The following IKZF2 variants were observed in gnomAD, a reference collection of about 807,000 sequenced individuals.
IKZF2 encodes the protein IKAROS family zinc finger 2.
IKZF2 carries 15 observed loss-of-function variants against 49.2 expected under a neutral mutation model. That is an observed-to-expected ratio of 0.30 (90% CI 0.20 to 0.47). The LOEUF is 0.47. Among genes scored for constraint, IKZF2 ranks in the 20% least tolerant of loss-of-function variants. The pLI is 1.00. For synonymous variants in IKZF2, 227 were observed against 221.4 expected (o/e 1.03, Z -0.23); for missense variants, 567 against 664.6 (o/e 0.85, Z 1.61).
At chr2:213,147,682 A>C (rs762010853) in intron 4 of IKZF2, 26 bp downstream of exon 4, 8 of 1,575,668 alleles carry the variant, frequency 5.1e-6, no homozygotes, top group South Asian at 3.3e-5. Context: ...ACACACACAA[A>C]AAAAAATCAT....
In IKZF2 at chr2:213,004,521, C is replaced by T. The variant is rs1452004137; in HGVS notation, c.*2839G>A. On this transcript the variant is annotated 3_prime_UTR_variant, in exon 9 of 9. Transcript: ENST00000434687. Reference sequence around the variant, plus strand: ...GAAGATAACCCATTTTCATGCTCCTCAAATACTTTCTGTAATGTGAAATCT... The same window carrying T: ...GAAGATAACCCATTTTCATGCTCCTTAAATACTTTCTGTAATGTGAAATCT... 6.8e-6 allele frequency: 1 copy of T among 148,138 alleles called. No individual in the cohort carries two copies. Among genetic ancestry groups the T allele is most frequent in the East Asian group, 2.1e-4 (1 of 4,656 alleles). The allele number at this position is 148,138 out of a possible 1,614,324, so 9.2% of individuals were successfully genotyped here.
At chr2:213,043,654 C>T (rs1247088615) in intron 6 of IKZF2, among the ~76,000 whole-genome samples, 1 of 152,192 alleles carries the variant, frequency 6.6e-6, no homozygotes, top group Admixed American at 6.5e-5. Context: ...AACTATTCCA[C>T]CTCAGATCAT....
chr2:213,150,454 C>CT (rs2061242787), intron 1 of IKZF2: 3 of 199,560 alleles, frequency 1.5e-5, no homozygotes, highest in Non-Finnish European at 3.2e-5. Context: ...GAAGAACACC[C>CT]CCCTCCTCCT....
At chr2:213,141,647 C>T (rs1161872022) in intron 4 of IKZF2, among the ~76,000 whole-genome samples, 1 of 151,828 alleles carries the variant, frequency 6.6e-6, no homozygotes, top group African/African-American at 2.4e-5. Context: ...GCAGTCTCCC[C>T]CTCTAAAAAA....
At chr2:213,094,922 G>A (rs1705797337) in intron 4 of IKZF2, among the ~76,000 whole-genome samples, 1 of 152,084 alleles carries the variant, frequency 6.6e-6, no homozygotes, top group Admixed American at 6.6e-5. Context: ...AACCATATAG[G>A]GGAGAGTGTT....
chr2:213,046,090 ATAAC>A (rs1202219242), intron 6 of IKZF2, among the ~76,000 whole-genome samples: 1 of 152,106 alleles, frequency 6.6e-6, no homozygotes, highest in Non-Finnish European at 1.5e-5. Flanking sequence ...TTTTCTAACA[ATAAC>A]TAATCTCCAT....
At chr2:213,080,530 G>GA (rs939465967) in intron 4 of IKZF2, among the ~76,000 whole-genome samples, 28 of 151,982 alleles carry the variant, frequency 1.8e-4, no homozygotes, top group Non-Finnish European at 7.4e-5. Flanking sequence ...GAAAATAAGT[G>GA]AAAAAACCCT....
chr2:213,099,326 T>G (rs1706377501), intron 4 of IKZF2, among the ~76,000 whole-genome samples: 2 of 152,186 alleles, frequency 1.3e-5, no homozygotes, highest in South Asian at 4.1e-4. Context: ...TCTATGTACA[T>G]ATGAAGAGTA....
chr2:213,053,458 A>G (rs903170826), intron 5 of IKZF2, among the ~76,000 whole-genome samples: 6 of 152,184 alleles, frequency 3.9e-5, no homozygotes, highest in Non-Finnish European at 1.5e-5. Flanking sequence ...AAATGCAAAT[A>G]TATATGCATC....
At chr2:213,125,313 A>G (rs2060221156) in intron 4 of IKZF2, among the ~76,000 whole-genome samples, 1 of 152,174 alleles carries the variant, frequency 6.6e-6, no homozygotes, top group Non-Finnish European at 1.5e-5. Flanking sequence ...TTCCTAATAG[A>G]GTTTTTAATT....
chr2:213,070,545 A>G (rs1400933685), intron 4 of IKZF2, among the ~76,000 whole-genome samples: 1 of 152,106 alleles, frequency 6.6e-6, no homozygotes, highest in Admixed American at 6.6e-5. Context: ...TAACAGAAAA[A>G]CAAATAAGCA....
At chr2:213,028,022 A>G (rs1698002299) in intron 6 of IKZF2, among the ~76,000 whole-genome samples, 1 of 152,158 alleles carries the variant, frequency 6.6e-6, no homozygotes, top group South Asian at 2.1e-4. Context: ...ATCGATTCAC[A>G]TAATTACTAT....
At chr2:213,065,353 G>A (rs1442753747) in intron 4 of IKZF2, among the ~76,000 whole-genome samples, 1 of 151,976 alleles carries the variant, frequency 6.6e-6, no homozygotes, top group Non-Finnish European at 1.5e-5. Flanking sequence ...GTCCTTGAGA[G>A]GAAATACTGC....
chr2:213,067,501 T>C (rs1702271077), intron 4 of IKZF2, among the ~76,000 whole-genome samples: 1 of 152,048 alleles, frequency 6.6e-6, no homozygotes, highest in Non-Finnish European at 1.5e-5. Context: ...ATGGATAATA[T>C]ACAATAGAAC....
intron 7 of IKZF2, chr2:213,015,233 T>G (rs1375580172): frequency 6.6e-6 from 1 of 152,048 alleles, no homozygotes. Flanking sequence ...CCATCCAAGT[T>G]TTGATTAACC....
intron 5 of IKZF2, 72 bp downstream of exon 5, chr2:213,056,761 G>C: frequency 6.4e-7 from 1 of 1,569,888 alleles, no homozygotes; most frequent in Admixed American, 1.7e-5. Flanking sequence ...AAAAAGGAAA[G>C]AGAATAGATG....
intron 4 of IKZF2, among the ~76,000 whole-genome samples, chr2:213,079,204 T>C (rs1703621653): frequency 2.0e-5 from 3 of 151,744 alleles, no homozygotes; most frequent in Non-Finnish European, 4.4e-5. Flanking sequence ...CATAGTGGGA[T>C]CCCATCTATA....
chr2:213,066,353 A>G (rs1191935024), intron 4 of IKZF2, among the ~76,000 whole-genome samples: 2 of 152,078 alleles, frequency 1.3e-5, no homozygotes, highest in African/African-American at 2.4e-5. Flanking sequence ...AAAGCAGTGC[A>G]ACACACTTCA....
At chr2:213,103,286 A>C (rs2059412620) in intron 4 of IKZF2, among the ~76,000 whole-genome samples, 2 of 152,166 alleles carry the variant, frequency 1.3e-5, no homozygotes, top group African/African-American at 4.8e-5. Context: ...CACATATCAC[A>C]ACTAATGGCA....
Sources: allele counts gnomAD v4.1 joint callset (sites outside exome capture counted in the v4.1 genomes callset), GRCh38; gene constraint gnomAD v4.1.1; transcripts MANE v1.5; gene names NCBI Gene and HGNC (gene_info 2026-07-23, HGNC 2026-07-21).